Variants in SPATA6L observed in about 807,000 individuals in gnomAD.
SPATA6L encodes the protein spermatogenesis associated 6-like protein.
In SPATA6L, 68 loss-of-function variants were observed where a neutral mutation model predicts 49.2. The ratio of observed to expected loss-of-function variants is 1.38; its 90% CI spans 1.14 to 1.69. The LOEUF (loss-of-function observed/expected upper bound fraction) is 1.69, where lower values mean the gene tolerates loss of function less well. Among genes scored for constraint, SPATA6L ranks in the 40% most tolerant of loss-of-function variants. SPATA6L has a pLI of 0.00. For missense variants in SPATA6L, 668 were observed against 464.3 expected (o/e 1.44, Z -4.03); for synonymous variants, 198 against 165.7 (o/e 1.19, Z -1.50).
intron 9 of SPATA6L, among the ~76,000 whole-genome samples, chr9:4,616,143 G>A (rs955567025): frequency 6.6e-6 from 1 of 152,080 alleles, no homozygotes; most frequent in East Asian, 1.9e-4. Flanking sequence ...CGGGCATGCC[G>A]GTGCGCACCT....
In SPATA6L at chr9:4,646,460, T is replaced by C. The variant is rs941404025; in HGVS notation, c.226+9581A>G. The C allele has an allele frequency of 2.0e-6, 3 of 1,481,970 alleles. No individual in the cohort carries two copies. The African/African-American group carries it at 4.2e-5, about 21-fold the overall frequency. 91.8% of individuals were successfully genotyped at this position (1,481,970 alleles called of 1,614,324 possible). ...TATTTTAAAATCATATTAAGCTAAT[T>C]TAGAAACGGATTTACTGCCACATTA... is the stretch of plus-strand genomic sequence containing the variant. On this transcript the variant is annotated intron_variant, in intron 3 of 11. Transcript: ENST00000682582.
chr9:4,640,874 T>G (rs1298361696), intron 3 of SPATA6L, among the ~76,000 whole-genome samples: 1 of 152,252 alleles, frequency 6.6e-6, no homozygotes, highest in East Asian at 1.9e-4. Flanking sequence ...TGCATCTTAT[T>G]AATTTTTGAG....
chr9:4,654,628 G>A (rs140526101), intron 3 of SPATA6L, among the ~76,000 whole-genome samples: 27 of 152,334 alleles, frequency 1.8e-4, no homozygotes, highest in Non-Finnish European at 3.7e-4. Context: ...TTGAGTGGGG[G>A]TAGCTTTCAG....
chr9:4,658,571 G>C (rs1484798119), intron 2 of SPATA6L, among the ~76,000 whole-genome samples: 1 of 152,154 alleles, frequency 6.6e-6, no homozygotes, highest in Non-Finnish European at 1.5e-5. Flanking sequence ...CTTTTCAACA[G>C]AGCCATAGTG....
At chr9:4,603,804 T>C (rs1823979700) in intron 11 of SPATA6L, among the ~76,000 whole-genome samples, 1 of 151,936 alleles carries the variant, frequency 6.6e-6, no homozygotes, top group African/African-American at 2.4e-5. Flanking sequence ...ATCATAAGCC[T>C]GGAAGGACAA....
intron 9 of SPATA6L, 21 bp downstream of exon 9, chr9:4,617,901 CA>C (rs1374640248): frequency 6.4e-7 from 1 of 1,565,412 alleles, no homozygotes; most frequent in African/African-American, 1.4e-5. Context: ...GTCAGGCAAA[CA>C]GATGGGTGCT....
chr9:4,646,432 A>G (rs765035565), intron 3 of SPATA6L: 1 of 1,335,508 alleles, frequency 7.5e-7, no homozygotes, highest in Admixed American at 2.8e-5. Flanking sequence ...GACAGGCCAA[A>G]TTTATTTTAA....
At chr9:4,603,797 A>C (rs1823978774) in intron 11 of SPATA6L, among the ~76,000 whole-genome samples, 1 of 152,180 alleles carries the variant, frequency 6.6e-6, no homozygotes, top group Admixed American at 6.5e-5. Context: ...ATAGAAAATC[A>C]TAAGCCTGGA....
intron 2 of SPATA6L, among the ~76,000 whole-genome samples, chr9:4,661,286 A>G (rs993679818): frequency 2.6e-5 from 4 of 152,212 alleles, no homozygotes; most frequent in African/African-American, 9.6e-5. Flanking sequence ...ATGTTAAGAG[A>G]TTGTCAGTGA....
chr9:4,626,474 T>C lies in SPATA6L; in HGVS notation c.430-908A>G, dbSNP rs553854496. ...CAGGAAAGCAGCCCTTCTCCAGAGG[T>C]CTGGGTCCCATTTCTGTTCAGTTTC... On this transcript the variant is annotated intron_variant, in intron 5 of 11. Transcript: ENST00000682582. 1.4e-5 allele frequency: 18 copies of C among 1,304,352 alleles called. No individual in the cohort carries two copies. In the African/African-American group the frequency reaches 2.3e-4, roughly 16 times the overall value. The allele number at this position is 1,304,352 out of a possible 1,614,324, so 80.8% of individuals were successfully genotyped here. A position where few individuals can be genotyped will look rare whatever the true frequency, so the allele number is the denominator to read the frequency against.
At chr9:4,625,633 A>G in intron 5 of SPATA6L, 67 bp from the exon 6 acceptor site, 1 of 1,140,630 alleles carries the variant, frequency 8.8e-7, no homozygotes. Context: ...CAATCAGAAT[A>G]TAACTGTATT....
At chr9:4,616,556 A>C (rs1587080003) in intron 9 of SPATA6L, among the ~76,000 whole-genome samples, 2 of 152,140 alleles carry the variant, frequency 1.3e-5, no homozygotes, top group Admixed American at 1.3e-4. Context: ...GTCTCTGACC[A>C]CTTGTCTCTG....
At chr9:4,639,588 A>T (rs1833593455) in intron 3 of SPATA6L, among the ~76,000 whole-genome samples, 2 of 152,246 alleles carry the variant, frequency 1.3e-5, no homozygotes, top group Non-Finnish European at 2.9e-5. Context: ...AGAGGATGGT[A>T]CAGCAAGAGC....
At chr9:4,641,617 G>C (rs144390562) in intron 3 of SPATA6L, among the ~76,000 whole-genome samples, 1 of 152,078 alleles carries the variant, frequency 6.6e-6, no homozygotes, top group African/African-American at 2.4e-5. Flanking sequence ...CTACATTTTC[G>C]AGTAATGGTT....
intron 9 of SPATA6L, among the ~76,000 whole-genome samples, chr9:4,611,297 G>C (rs1826648524): frequency 6.8e-6 from 1 of 146,666 alleles, no homozygotes; most frequent in Non-Finnish European, 1.5e-5. Context: ...CCCATTACTG[G>C]GTATATACCC....
intron 5 of SPATA6L, 198 bp downstream of exon 5, chr9:4,628,893 G>T (rs941945428): frequency 1.9e-6 from 1 of 519,938 alleles, no homozygotes; most frequent in Non-Finnish European, 3.4e-6. Flanking sequence ...GCTGCCAAAC[G>T]TATGTACCAA....
At chr9:4,647,437 C>CA (rs1835662739) in intron 3 of SPATA6L, among the ~76,000 whole-genome samples, 1 of 151,956 alleles carries the variant, frequency 6.6e-6, no homozygotes, top group Non-Finnish European at 1.5e-5. Context: ...ACTAAAAATA[C>CA]AAAAATTAGC....
rs1036722630 is a variant in SPATA6L at position 4,663,312 on chromosome 9, C to A, written c.40-1276G>T. Reference sequence around the variant, plus strand: ...CAGGAAGTCTGAAGGTTTCCACATTCGATGATGTCAACCTAAACCAGCAGC... The same window carrying A: ...CAGGAAGTCTGAAGGTTTCCACATTAGATGATGTCAACCTAAACCAGCAGC... On this transcript the variant is annotated intron_variant, in intron 1 of 11. Transcript: ENST00000682582. 3.2e-6 allele frequency: 5 copies of A among 1,563,570 alleles called. No individual in the cohort carries two copies. In the African/African-American group the frequency reaches 5.4e-5, roughly 17 times the overall value.
chr9:4,645,152 A>G (rs978138709), intron 3 of SPATA6L, among the ~76,000 whole-genome samples: 1 of 152,236 alleles, frequency 6.6e-6, no homozygotes, highest in Admixed American at 6.5e-5. Flanking sequence ...TTAAAAATGT[A>G]AAAACCAAAA....
Sources: allele counts gnomAD v4.1 joint callset (sites outside exome capture counted in the v4.1 genomes callset), GRCh38; gene constraint gnomAD v4.1.1; transcripts MANE v1.5; gene names NCBI Gene and HGNC (gene_info 2026-07-23, HGNC 2026-07-21).